SYNPO2: variants seen among roughly 807,000 people sequenced by gnomAD.
SYNPO2 encodes synaptopodin-2.
SYNPO2 carries 56 observed loss-of-function variants against 85.0 expected under a neutral mutation model. The ratio of observed to expected loss-of-function variants is 0.66; its 90% CI spans 0.53 to 0.82. SYNPO2 has a LOEUF of 0.82. Among genes scored for constraint, SYNPO2 ranks in the 40% least tolerant of loss-of-function variants. The probability of loss-of-function intolerance (pLI) is 0.00; values close to 1 mark genes in which losing one functional copy is unlikely to be tolerated. For missense variants in SYNPO2, 1,575 were observed against 1,534.2 expected, an observed-to-expected ratio of 1.03 and a Z score of -0.44; for synonymous variants, 602 against 591.1, an observed-to-expected ratio of 1.02 and a Z score of -0.27.
upstream of SYNPO2, among the ~76,000 whole-genome samples, chr4:118,885,816 G>A (rs564924244): frequency 4.6e-5 from 7 of 152,298 alleles, no homozygotes; most frequent in South Asian, 1.2e-3. Flanking sequence ...TTGGTTGCAT[G>A]AGATAAGCAT....
chr4:118,934,268 G>A (rs1483151131), intron 1 of SYNPO2, among the ~76,000 whole-genome samples: 1 of 152,154 alleles, frequency 6.6e-6, no homozygotes, highest in African/African-American at 2.4e-5. Flanking sequence ...ACCTGGCTTC[G>A]AAAAGGCTGG....
intron 1 of SYNPO2, among the ~76,000 whole-genome samples, chr4:118,910,068 A>G (rs997734628): frequency 6.6e-6 from 1 of 152,168 alleles, no homozygotes; most frequent in African/African-American, 2.4e-5. Context: ...TCATTCATGT[A>G]GCTAAAGTAT....
At chr4:119,016,431 A>AT (rs1299454248) in intron 1 of SYNPO2, among the ~76,000 whole-genome samples, 1 of 151,786 alleles carries the variant, frequency 6.6e-6, no homozygotes, top group East Asian at 1.9e-4. Flanking sequence ...AAAAAAAAAA[A>AT]ATCAACTAAA....
At chr4:119,047,601 G>A (rs1245257061) in intron 4 of SYNPO2, among the ~76,000 whole-genome samples, 1 of 152,196 alleles carries the variant, frequency 6.6e-6, no homozygotes, top group Non-Finnish European at 1.5e-5. Context: ...AGGGAATGAG[G>A]AAAAGACTAT....
intron 1 of SYNPO2, among the ~76,000 whole-genome samples, chr4:118,938,655 CAG>C (rs1443073353): frequency 9.9e-5 from 15 of 152,274 alleles, no homozygotes; most frequent in Non-Finnish European, 1.8e-4. Flanking sequence ...TTAAAACTGT[CAG>C]ATATTTCAGG....
chr4:119,061,173 A>G lies in SYNPO2; in HGVS notation c.*3239A>G, dbSNP rs1341833078. On this transcript the variant is annotated 3_prime_UTR_variant, in exon 5 of 5. Coordinates refer to ENST00000307142, the MANE Select transcript of SYNPO2 (RefSeq NM_133477.3). Reference sequence around the variant, plus strand: ...ATTAACATTTCCACTTCTGTTTATCACAAAAGACTGTATTTGAAATATGCA... The same window carrying G: ...ATTAACATTTCCACTTCTGTTTATCGCAAAAGACTGTATTTGAAATATGCA... 1.3e-5 allele frequency: 2 copies of G among 152,198 alleles called. No homozygotes were observed. The highest frequency in any genetic ancestry group is 2.9e-5 in the Non-Finnish European group (2 of 68,026). 9.4% of individuals were successfully genotyped at this position (152,198 alleles called of 1,614,324 possible).
At chr4:118,858,049 T>A (rs778022943) in intron 1 of SYNPO2, among the ~76,000 whole-genome samples, 1 of 152,174 alleles carries the variant, frequency 6.6e-6, no homozygotes, top group Non-Finnish European at 1.5e-5. Flanking sequence ...TGATTCTACG[T>A]TGGTTCTCTT....
intron 4 of SYNPO2, among the ~76,000 whole-genome samples, chr4:119,050,672 C>T (rs748913100): frequency 3.9e-5 from 6 of 152,040 alleles, no homozygotes; most frequent in Non-Finnish European, 8.8e-5. Context: ...AGTGTTAAGC[C>T]CTTTTGTGGG....
intron 1 of SYNPO2, among the ~76,000 whole-genome samples, chr4:118,891,161 C>A (rs570245645): frequency 1.3e-5 from 2 of 152,098 alleles, no homozygotes; most frequent in Non-Finnish European, 2.9e-5. Context: ...CTACACTCCC[C>A]CTAAATCATC....
intron 1 of SYNPO2, among the ~76,000 whole-genome samples, chr4:118,908,908 G>T (rs749894617): frequency 6.6e-6 from 1 of 152,104 alleles, no homozygotes; most frequent in Non-Finnish European, 1.5e-5. Flanking sequence ...ATTGCTTAAA[G>T]ATTCCTGACC....
In SYNPO2 at chr4:119,058,062, C is replaced by A; in HGVS notation, c.*128C>A. The A allele has an allele frequency of 9.9e-7, 1 of 1,014,182 alleles. No individual in the cohort carries two copies. The highest frequency in any genetic ancestry group is 3.0e-5 in the Admixed American group (1 of 32,856). 62.8% of individuals were successfully genotyped at this position (1,014,182 alleles called of 1,614,324 possible). ...TGGCTTGTTCTCATAAGTCATTTAT[C>A]TAAGTTTGTGTTTCTGTGTGTGTGT... On this transcript the variant is annotated 3_prime_UTR_variant, in exon 5 of 5. Coordinates refer to ENST00000307142, the MANE Select transcript of SYNPO2 (RefSeq NM_133477.3).
intron 1 of SYNPO2, among the ~76,000 whole-genome samples, chr4:118,975,299 G>A (rs914942217): frequency 1.3e-5 from 2 of 152,210 alleles, no homozygotes; most frequent in African/African-American, 4.8e-5. Context: ...CTAGAAGGAA[G>A]ACTAATCAAC....
At chr4:118,957,524 T>C (rs1164447369) in intron 1 of SYNPO2, among the ~76,000 whole-genome samples, 2 of 152,178 alleles carry the variant, frequency 1.3e-5, no homozygotes, top group African/African-American at 4.8e-5. Context: ...AAGGTGGACA[T>C]AATAACCATA....
chr4:119,055,310 C>G (rs1030159526), intron 4 of SYNPO2, among the ~76,000 whole-genome samples: 1 of 152,072 alleles, frequency 6.6e-6, no homozygotes, highest in South Asian at 2.1e-4. Context: ...TGCCATCACA[C>G]CTTGGAGAAT....
At chr4:118,909,360 G>T (rs1341933120) in intron 1 of SYNPO2, among the ~76,000 whole-genome samples, 1 of 152,112 alleles carries the variant, frequency 6.6e-6, no homozygotes, top group Non-Finnish European at 1.5e-5. Flanking sequence ...GTCCCTGGGG[G>T]TATTGACCTA....
chr4:119,023,395 C>A, intron 1 of SYNPO2, 35 bp from the exon 2 acceptor site: 1 of 1,565,258 alleles, frequency 6.4e-7, no homozygotes, highest in Non-Finnish European at 8.7e-7. Context: ...CAAATTATAT[C>A]ATTCTACTAT....
At chr4:118,887,011 A>T (rs544092234), upstream of SYNPO2, among the ~76,000 whole-genome samples, 5 of 152,338 alleles carry the variant, frequency 3.3e-5, no homozygotes, top group East Asian at 9.6e-4. Context: ...ATGAGAAAAA[A>T]AAATGTATTT....
chr4:118,888,501 G>T (rs534121695), upstream of SYNPO2, among the ~76,000 whole-genome samples: 2 of 152,140 alleles, frequency 1.3e-5, no homozygotes, highest in Non-Finnish European at 2.9e-5. Context: ...TTATTTGAGA[G>T]AATCTAATCC....
chr4:118,956,733 T>G (rs1734890132), intron 1 of SYNPO2, among the ~76,000 whole-genome samples: 1 of 151,964 alleles, frequency 6.6e-6, no homozygotes, highest in South Asian at 2.1e-4. Context: ...CTTAGGCACA[T>G]AGAGAATAGA....
Sources: allele counts gnomAD v4.1 joint callset (sites outside exome capture counted in the v4.1 genomes callset), GRCh38; gene constraint gnomAD v4.1.1; transcripts MANE v1.5; gene names NCBI Gene and HGNC (gene_info 2026-07-23, HGNC 2026-07-21).